The following MINAR2 variants were observed in gnomAD, a reference collection of about 807,000 sequenced individuals.
MINAR2 encodes major intrinsically disordered NOTCH2-binding receptor 1-like.
Under a neutral mutation model 16.1 loss-of-function variants are expected in MINAR2, and 21 were observed. The ratio of observed to expected loss-of-function variants is 1.31; its 90% CI spans 0.93 to 1.88. The LOEUF is 1.88. MINAR2 is among the 40% of genes most tolerant of loss of function. The pLI, the probability that MINAR2 is intolerant of heterozygous loss-of-function variation, is 0.00. For synonymous variants in MINAR2, 86 were observed against 83.0 expected, an observed-to-expected ratio of 1.04 and a Z score of -0.20; for missense variants, 259 against 229.8, an observed-to-expected ratio of 1.13 and a Z score of -0.82.
intron 1 of MINAR2, among the ~76,000 whole-genome samples, chr5:129,751,890 A>G (rs1488907202): frequency 6.6e-6 from 1 of 152,214 alleles, no homozygotes; most frequent in Non-Finnish European, 1.5e-5. Context: ...TTTTTCAAAC[A>G]ACCCCATCAA....
At chr5:129,758,036 TTA>T (rs1341769804) in intron 1 of MINAR2, among the ~76,000 whole-genome samples, 1 of 152,008 alleles carries the variant, frequency 6.6e-6, no homozygotes, top group Non-Finnish European at 1.5e-5. Flanking sequence ...CTTTATTGAA[TTA>T]TAGTTTACTT....
In MINAR2 at chr5:129,760,531, A is replaced by T. The variant is rs1758120249; in HGVS notation, c.319A>T (p.Lys107Ter). The part of the protein sequence containing the change: ...LSLEEAMEER[K>*]KNPSWTIEEY... ...TTTGGAGGAAGCTATGGAAGAAAGA[A>T]AAAAGAACCCCTCATGGACCATTGA... The change falls in exon 2 of 3, where the codon AAA becomes TAA. Residue 107 changes from lysine to a stop codon, truncating the protein, a stop_gained. Coordinates refer to ENST00000564719, the MANE Select transcript of MINAR2 (RefSeq NM_001257308.2). LOFTEE classifies it high-confidence loss of function. The T allele has an allele frequency of 1.3e-6, 2 of 1,535,718 alleles. No homozygotes were observed. The highest frequency in any genetic ancestry group is 2.0e-5 in the Admixed American group (1 of 50,968).
intron 1 of MINAR2, among the ~76,000 whole-genome samples, chr5:129,755,861 T>C (rs1758048428): frequency 6.6e-6 from 1 of 152,090 alleles, no homozygotes; most frequent in Non-Finnish European, 1.5e-5. Flanking sequence ...TTTTATTATA[T>C]TTATTCAATG....
rs568966925 is a variant in MINAR2, at chr5:129,754,336, C to G, written c.165+5981C>G. ...TCAAATATGTGCTTTAGAAAGCTTT[C>G]CATTCTAGCAATTTAAAACAAAAAT... On this transcript the variant is annotated intron_variant, in intron 1 of 2. Transcript: ENST00000564719. 2.0e-5 allele frequency among the ~76,000 whole-genome samples: 3 copies of G among 152,222 alleles called. No homozygotes were observed. In the East Asian group the frequency reaches 5.8e-4, roughly 29 times the overall value.
chr5:129,765,063 A>T lies in MINAR2; in HGVS notation c.573A>T (p.Ter191CysextTer27). Residue 191 changes from the stop codon to cysteine (C), a stop_lost, in exon 3 of 3, where the codon TGA (stop) becomes TGT (cysteine). Transcript: ENST00000564719. ...TIVTIITFFT[*>C] Reference sequence around the variant, plus strand: ...TGACTATCATTACTTTTTTCACCTGAGGAAACTGCAACAATCAGAGCTACT... The same window carrying T: ...TGACTATCATTACTTTTTTCACCTGTGGAAACTGCAACAATCAGAGCTACT... 7.8e-7 allele frequency: 1 copy of T among 1,279,300 alleles called. No individual in the cohort carries two copies. The highest frequency in any genetic ancestry group is 9.9e-7 in the Non-Finnish European group (1 of 1,010,108). 79.2% of individuals were successfully genotyped at this position (1,279,300 alleles called of 1,614,324 possible).
chr5:129,750,948 C>G (rs1369882127), intron 1 of MINAR2, among the ~76,000 whole-genome samples: 4 of 152,130 alleles, frequency 2.6e-5, no homozygotes, highest in Non-Finnish European at 5.9e-5. Context: ...CATCCCACAC[C>G]ACACAAGTGC....
intron 2 of MINAR2, among the ~76,000 whole-genome samples, chr5:129,763,789 A>G (rs1247935499): frequency 6.6e-6 from 1 of 152,186 alleles, no homozygotes; most frequent in Non-Finnish European, 1.5e-5. Flanking sequence ...TAATACATGC[A>G]TGCACATTCC....
In MINAR2 at chr5:129,765,018, C is replaced by A; in HGVS notation, c.528C>A (p.Ile176=). The A allele has an allele frequency of 4.4e-6, 6 of 1,349,016 alleles. No individual in the cohort carries two copies. The highest frequency in any genetic ancestry group is 5.7e-6 in the Non-Finnish European group (6 of 1,048,912). The allele number at this position is 1,349,016 out of a possible 1,614,324, so 83.6% of individuals were successfully genotyped here. ...CRMGLILLVV[I]SILVTIVTII... is the part of the protein sequence containing the mutation. The stretch of plus-strand genomic sequence containing the variant: ...TGGGTCTGATTTTACTTGTCGTTAT[C>A]TCCATCTTGGTTACCATAGTGACTA... Residue 176 remains isoleucine (I), a synonymous_variant, in exon 3 of 3, where the codon ATC becomes ATA. Coordinates refer to ENST00000564719, the MANE Select transcript of MINAR2 (RefSeq NM_001257308.2).
At chr5:129,760,258 T>C (rs72792872) in intron 1 of MINAR2, 120 bp from the exon 2 acceptor site, 10,676 of 705,830 alleles carry the variant, frequency 0.015, 112 homozygotes, top group Non-Finnish European at 0.02. Context: ...TCTCATTCAT[T>C]GTCCTAATCT....
chr5:129,760,421 G>A lies in MINAR2; in HGVS notation c.209G>A (p.Ser70Asn). 1 of 1,535,694 alleles carries A rather than the reference G, an allele frequency of 6.5e-7. No individual in the cohort carries two copies. The highest frequency in any genetic ancestry group is 1.2e-5 in the South Asian group (1 of 84,048). ...GCTGCTCAACGAATTAGGGGATCCA[G>A]TGCAGACAGCCTTGTCACTGCTGAT... is the stretch of plus-strand genomic sequence containing the variant. The part of the protein sequence containing the change: ...NIAAQRIRGS[S>N]ADSLVTADSP... Residue 70 changes from serine to asparagine, a missense_variant, in exon 2 of 3, where the codon AGT (serine) becomes AAT (asparagine). Coordinates refer to ENST00000564719, the MANE Select transcript of MINAR2 (RefSeq NM_001257308.2).
intron 2 of MINAR2, among the ~76,000 whole-genome samples, chr5:129,763,496 A>C (rs190790143): frequency 1.2e-3 from 181 of 152,338 alleles, no homozygotes; most frequent in Non-Finnish European, 2.2e-3. Context: ...GTTTAATTAC[A>C]AAGGAAAGCT....
chr5:129,756,824 G>A (rs1462284192), intron 1 of MINAR2, among the ~76,000 whole-genome samples: 3 of 149,444 alleles, frequency 2.0e-5, no homozygotes, highest in South Asian at 4.2e-4. Context: ...TTTATATCTA[G>A]CAAAGCTTTT....
intron 1 of MINAR2, among the ~76,000 whole-genome samples, chr5:129,759,288 G>A (rs950235266): frequency 5.3e-5 from 8 of 151,954 alleles, no homozygotes; most frequent in African/African-American, 1.7e-4. Context: ...TTAAGGAAAT[G>A]AGCCACTTCT....
Position 129,760,528 on chromosome 5 carries a change from A to G in MINAR2, c.316A>G (p.Arg106Gly). 2 of 1,535,720 alleles carry G rather than the reference A, an allele frequency of 1.3e-6. No homozygotes were observed. The highest frequency in any genetic ancestry group is 2.4e-5 in the South Asian group (2 of 84,054). ...DLSLEEAMEE[R>G]KKNPSWTIEE... ...AAGTTTGGAGGAAGCTATGGAAGAA[A>G]GAAAAAAGAACCCCTCATGGACCAT... Residue 106 changes from arginine to glycine, a missense_variant, in exon 2 of 3, where the codon AGA (arginine) becomes GGA (glycine). Coordinates refer to ENST00000564719, the MANE Select transcript of MINAR2 (RefSeq NM_001257308.2).
chr5:129,748,164 T>C lies in MINAR2; in HGVS notation c.-27T>C. ...TGACAAGAGCAGCTTTGCCTGTCTTTGTTTTCCACTGTAGGTGAAGGGAGA... is the reference window on the plus strand; with the variant it reads ...TGACAAGAGCAGCTTTGCCTGTCTTCGTTTTCCACTGTAGGTGAAGGGAGA... On this transcript the variant is annotated 5_prime_UTR_variant, in exon 1 of 3. Coordinates refer to ENST00000564719, the MANE Select transcript of MINAR2 (RefSeq NM_001257308.2). The C allele has an allele frequency of 2.0e-6, 3 of 1,531,616 alleles. No homozygotes were observed. Among genetic ancestry groups the C allele is most frequent in the Non-Finnish European group, 2.6e-6 (3 of 1,144,166 alleles). 94.9% of individuals were successfully genotyped at this position (1,531,616 alleles called of 1,614,324 possible). A position where few individuals can be genotyped will look rare whatever the true frequency, so the allele number is the denominator to read the frequency against.
chr5:129,752,721 C>G (rs1381093454), intron 1 of MINAR2, among the ~76,000 whole-genome samples: 1 of 151,650 alleles, frequency 6.6e-6, no homozygotes, highest in Admixed American at 6.6e-5. Flanking sequence ...TACATGTATC[C>G]CAGAACTTAA....
At position 129,765,137 on chromosome 5, in the gene MINAR2, C is replaced by A. The variant is rs371469049; in HGVS notation, c.*74C>A. 2 of 848,088 alleles carry A rather than the reference C, an allele frequency of 2.4e-6. No homozygotes were observed. The highest frequency in any genetic ancestry group is 3.2e-6 in the Non-Finnish European group (2 of 628,562). The allele number at this position is 848,088 out of a possible 1,614,324, so 52.5% of individuals were successfully genotyped here. A position where few individuals can be genotyped will look rare whatever the true frequency, so the allele number is the denominator to read the frequency against. On this transcript the variant is annotated 3_prime_UTR_variant, in exon 3 of 3. Transcript: ENST00000564719. ...GATAAACATTTGAAACCCCCCCCAC[C>A]AAAATAACAAAAAAACACATGTACA...
At chr5:129,759,613 G>T (rs1394803620) in intron 1 of MINAR2, among the ~76,000 whole-genome samples, 2 of 152,070 alleles carry the variant, frequency 1.3e-5, no homozygotes, top group Non-Finnish European at 2.9e-5. Flanking sequence ...GAATTTGGGT[G>T]CTATTATAGT....
At chr5:129,758,518 C>CT (rs1758084061) in intron 1 of MINAR2, among the ~76,000 whole-genome samples, 1 of 151,926 alleles carries the variant, frequency 6.6e-6, no homozygotes, top group South Asian at 2.1e-4. Flanking sequence ...TAAAATGTAT[C>CT]TCTGAGTATT....
Sources: gnomAD v4.1 joint callset for allele counts (sites outside exome capture counted in the v4.1 genomes callset) on GRCh38, gnomAD v4.1.1 for gene constraint, MANE v1.5 for transcripts, NCBI Gene and HGNC (gene_info 2026-07-23, HGNC 2026-07-21) for gene names.